The following PAICS variants were observed in gnomAD, a reference collection of about 807,000 sequenced individuals.
PAICS encodes phosphoribosylaminoimidazole carboxylase and phosphoribosylaminoimidazolesuccinocarboxamide synthase.
In PAICS, 33 loss-of-function variants were observed where a neutral mutation model predicts 53.7. That is an observed-to-expected ratio of 0.61 (90% CI 0.47 to 0.82). The LOEUF (loss-of-function observed/expected upper bound fraction) is 0.82. Ranked by LOEUF, PAICS falls within the 40% of genes least tolerant of loss-of-function variation. PAICS has a pLI of 0.00. For missense variants in PAICS, 394 were observed against 494.1 expected (o/e 0.80, Z 1.92); for synonymous variants, 141 against 167.2 (o/e 0.84, Z 1.21).
chr4:56,415,388 CCTTT>C, the PAICS span, among the ~76,000 whole-genome samples: 1 of 152,144 alleles, frequency 6.6e-6, no homozygotes, highest in Non-Finnish European at 1.5e-5. Context: ...AAACTGCATT[CCTTT>C]CTAAGATGTA....
In PAICS at chr4:56,436,319, A is replaced by G. The variant is rs1044061502; in HGVS notation, c.7A>G (p.Thr3Ala). 6.2e-7 allele frequency: 1 copy of G among 1,601,710 alleles called. No individual in the cohort carries two copies. The highest frequency in any genetic ancestry group is 8.5e-7 in the Non-Finnish European group (1 of 1,174,010). The change falls in exon 1 of 9, where the codon ACA becomes GCA. Residue 3 changes from threonine (T) to alanine (A), a missense_variant. Thr to Ala is a moderately conservative substitution (Grantham distance 58, BLOSUM62 0). Around this residue, in one of 3 missense-constraint regions of PAICS, gnomAD observed 168 missense variants for 199.3 expected, o/e 0.84. Transcript: ENST00000512576. MA[T>A]AEVLNIGKKL... ...CCTCAGCCCACTTAGGATAATGGCG[A>G]CAGCTGAGGGTGAGTAACAGGGATC...
At chr4:56,453,302 A>G (rs1719008561) in intron 7 of PAICS, among the ~76,000 whole-genome samples, 1 of 152,144 alleles carries the variant, frequency 6.6e-6, no homozygotes, top group Admixed American at 6.6e-5. Context: ...CTATACAGCA[A>G]TAGAAGAGGC....
Position 56,464,400 on chromosome 4 carries a change from A to ACT in PAICS, c.*4865_*4866dup, listed in dbSNP as rs10700835. Reference sequence around the variant, plus strand: ...TTGTGAATACACAAAAGTAGGAAGGACTCTGATCTCTAGAAAACAATTGTA... The same window carrying ACT: ...TTGTGAATACACAAAAGTAGGAAGGACTCTCTGATCTCTAGAAAACAATTGTA... On this transcript the variant is annotated 3_prime_UTR_variant, in exon 9 of 9. Coordinates refer to ENST00000512576, the MANE Select transcript of PAICS (RefSeq NM_001079524.2). 60,688 of 151,938 alleles carry ACT rather than the reference A, an allele frequency of 0.4. 13,200 individuals are homozygous for ACT. Among genetic ancestry groups the ACT allele is most frequent in the East Asian group, 0.66 (3,398 of 5,154 alleles). The allele number at this position is 151,938 out of a possible 1,614,324, so 9.4% of individuals were successfully genotyped here.
At chr4:56,431,616 G>A, upstream of PAICS, 6 of 618,724 alleles carry the variant, frequency 9.7e-6, no homozygotes, top group Non-Finnish European at 1.2e-5. Flanking sequence ...CTAACCAGGA[G>A]AAGTGATAAT....
chr4:56,419,719 T>C, the PAICS span: 29 of 981,654 alleles, frequency 3.0e-5, no homozygotes, highest in African/African-American at 3.8e-4. Flanking sequence ...AGGGCTCTAA[T>C]AGACATCTGG....
Position 56,459,683 on chromosome 4 carries a change from T to G in PAICS, c.*145T>G, listed in dbSNP as rs563398796. Reference sequence around the variant, plus strand: ...GAATAAATGCTTCTCTAGATCCATATTAATAAACATGAGCATCTAACCCCT... The same window carrying G: ...GAATAAATGCTTCTCTAGATCCATAGTAATAAACATGAGCATCTAACCCCT... On this transcript the variant is annotated 3_prime_UTR_variant, in exon 9 of 9. Coordinates refer to ENST00000512576, the MANE Select transcript of PAICS (RefSeq NM_001079524.2). The G allele has an allele frequency of 1.7e-6, 1 of 602,706 alleles. No individual in the cohort carries two copies. Among genetic ancestry groups the G allele is most frequent in the East Asian group, 2.8e-5 (1 of 35,200 alleles). 37.3% of individuals were successfully genotyped at this position (602,706 alleles called of 1,614,324 possible).
intron 1 of PAICS, among the ~76,000 whole-genome samples, chr4:56,437,819 CAAAAAAAAAAAAAA>C (rs869109998): frequency 4.6e-5 from 1 of 21,594 alleles, no homozygotes; most frequent in African/African-American, 1.7e-4. Flanking sequence ...GACTCTGTCT[CAAAAAAAAAAAAAA>C]AAAAAAAAAA....
chr4:56,429,005 G>A, the PAICS span: 3 of 963,692 alleles, frequency 3.1e-6, no homozygotes, highest in South Asian at 9.6e-5. Flanking sequence ...ACATGAAGAT[G>A]GTAAGAGCCA....
the PAICS span, chr4:56,420,072 C>G: frequency 1.2e-6 from 1 of 834,826 alleles, no homozygotes; most frequent in Non-Finnish European, 1.4e-6. Flanking sequence ...GAAAAATAAT[C>G]TTAACATCAT....
chr4:56,450,785 A>G, intron 6 of PAICS, 83 bp downstream of exon 6: 1 of 710,622 alleles, frequency 1.4e-6, no homozygotes, highest in East Asian at 2.7e-5. Flanking sequence ...AAAATGGGAG[A>G]GTATAGTGCT....
the PAICS span, among the ~76,000 whole-genome samples, chr4:56,413,318 C>T: frequency 6.6e-6 from 1 of 152,080 alleles, no homozygotes; most frequent in Non-Finnish European, 1.5e-5. Context: ...CCATGCCCAG[C>T]TAGTTTTTGT....
intron 2 of PAICS, 92 bp downstream of exon 2, chr4:56,441,952 G>C (rs1306477833): frequency 7.6e-6 from 6 of 784,618 alleles, no homozygotes; most frequent in African/African-American, 1.8e-5. Context: ...TGAACAACTT[G>C]TTTGCAGATG....
chr4:56,426,418 G>C, the PAICS span, among the ~76,000 whole-genome samples: 1 of 151,290 alleles, frequency 6.6e-6, no homozygotes, highest in Non-Finnish European at 1.5e-5. Context: ...AAAAAAGAAA[G>C]AAACCCCATA....
the PAICS span, among the ~76,000 whole-genome samples, chr4:56,417,507 C>A: frequency 6.6e-6 from 1 of 152,122 alleles, no homozygotes; most frequent in African/African-American, 2.4e-5. Flanking sequence ...TATGGCCAGG[C>A]ACAGTGACTC....
At chr4:56,457,196 A>G (rs1719256552) in intron 8 of PAICS, among the ~76,000 whole-genome samples, 1 of 152,082 alleles carries the variant, frequency 6.6e-6, no homozygotes, top group Admixed American at 6.6e-5. Flanking sequence ...GGAGGCAGAG[A>G]TTGGTGGATT....
chr4:56,437,042 G>A (rs573846566), intron 1 of PAICS, among the ~76,000 whole-genome samples: 1 of 152,178 alleles, frequency 6.6e-6, no homozygotes, highest in East Asian at 1.9e-4. Flanking sequence ...TGTGTAAGTA[G>A]TCTTTGATGC....
the PAICS span, among the ~76,000 whole-genome samples, chr4:56,418,595 A>C: frequency 1.3e-5 from 2 of 152,224 alleles, no homozygotes; most frequent in South Asian, 4.1e-4. Flanking sequence ...CTGGGATTAC[A>C]GGCCTGAGCC....
At chr4:56,453,885 T>G (rs756985377) in intron 8 of PAICS, 124 bp downstream of exon 8, 4 of 584,304 alleles carry the variant, frequency 6.8e-6, no homozygotes, top group Non-Finnish European at 1.2e-5. Context: ...TAACATCTTG[T>G]TGTGTCTACA....
chr4:56,422,909 T>C, the PAICS span: 2 of 152,056 alleles, frequency 1.3e-5, no homozygotes, highest in Non-Finnish European at 2.9e-5. Flanking sequence ...TTGGGCCCCA[T>C]CCAGAATCAG....
Sources: allele counts gnomAD v4.1 joint callset (sites outside exome capture counted in the v4.1 genomes callset), GRCh38; gene constraint gnomAD v4.1.1; regional missense constraint gnomAD v4.1.1; transcripts MANE v1.5; gene names NCBI Gene and HGNC (gene_info 2026-07-23, HGNC 2026-07-21).